The following VWC2 variants were observed in gnomAD, a reference collection of about 807,000 sequenced individuals.
VWC2 encodes von Willebrand factor C domain containing 2.
Under a neutral mutation model 29.8 loss-of-function variants are expected in VWC2, and 14 were observed. The observed-to-expected ratio is 0.47, with a 90% CI of 0.31 to 0.74. The LOEUF is 0.74. VWC2 is among the 30% of genes least tolerant of loss of function. The pLI, the probability that VWC2 is intolerant of heterozygous loss-of-function variation, is 0.05. For missense variants in VWC2, 457 were observed against 459.8 expected (o/e 0.99, Z 0.05); for synonymous variants, 213 against 199.0 (o/e 1.07, Z -0.59).
chr7:49,876,366 A>G (rs987310630), intron 3 of VWC2, among the ~76,000 whole-genome samples: 61 of 152,156 alleles, frequency 4.0e-4, no homozygotes, highest in African/African-American at 1.3e-3. Context: ...GTGGTTGACA[A>G]GACTGGCCAA....
intron 3 of VWC2, among the ~76,000 whole-genome samples, chr7:49,881,585 C>G (rs1266275718): frequency 6.6e-6 from 1 of 152,136 alleles, no homozygotes; most frequent in Non-Finnish European, 1.5e-5. Context: ...AAAATGTGTG[C>G]TGTATCGTTT....
At chr7:49,779,161 A>AG (rs1156571410) in intron 2 of VWC2, among the ~76,000 whole-genome samples, 10 of 152,158 alleles carry the variant, frequency 6.6e-5, no homozygotes, top group African/African-American at 2.4e-4. Context: ...TGTGATGTGC[A>AG]GGGTATTTGG....
intron 3 of VWC2, among the ~76,000 whole-genome samples, chr7:49,865,024 T>A (rs185820296): frequency 6.6e-6 from 1 of 152,004 alleles, no homozygotes; most frequent in Non-Finnish European, 1.5e-5. Flanking sequence ...TTTTCTGATA[T>A]CCCTCTATAT....
intron 3 of VWC2, among the ~76,000 whole-genome samples, chr7:49,887,226 C>T (rs991231822): frequency 6.6e-6 from 1 of 152,178 alleles, no homozygotes; most frequent in African/African-American, 2.4e-5. Flanking sequence ...TGTGGTCTAG[C>T]TCTGACACAC....
At chr7:49,905,535 A>G (rs1041401245) in intron 3 of VWC2, among the ~76,000 whole-genome samples, 3 of 152,250 alleles carry the variant, frequency 2.0e-5, no homozygotes, top group African/African-American at 7.2e-5. Context: ...CTTGATTTCT[A>G]TCATTTAAAA....
intron 3 of VWC2, among the ~76,000 whole-genome samples, chr7:49,870,244 C>T (rs1030089332): frequency 6.6e-6 from 1 of 151,930 alleles, no homozygotes; most frequent in Admixed American, 6.6e-5. Flanking sequence ...ACTAAAAATA[C>T]AAAAAATTAG....
intron 3 of VWC2, among the ~76,000 whole-genome samples, chr7:49,820,213 C>T (rs1789235305): frequency 6.6e-6 from 1 of 152,122 alleles, no homozygotes; most frequent in Non-Finnish European, 1.5e-5. Flanking sequence ...ACCCCACAGC[C>T]GCTCTGTAGC....
At chr7:49,819,756 G>A (rs1053373363) in intron 3 of VWC2, among the ~76,000 whole-genome samples, 2 of 152,194 alleles carry the variant, frequency 1.3e-5, no homozygotes, top group Non-Finnish European at 2.9e-5. Flanking sequence ...GCCCGTGGGG[G>A]AGGGCAAATA....
chr7:49,912,050 A>G lies in VWC2; in HGVS notation c.843A>G (p.Ala281=). The change falls in exon 4 of 4, where the codon GCA becomes GCG. Residue 281 remains alanine (A), a synonymous_variant. Coordinates refer to ENST00000340652, the MANE Select transcript of VWC2 (RefSeq NM_198570.5). ...PICKNGPNCF[A]ETAVIPAGRE... ...GCATTTCAGGTCCAAACTGCTTTGC[A>G]GAAACCGCGGTGATCCCTGCTGGCA... is the stretch of plus-strand genomic sequence containing the variant. The G allele has an allele frequency of 1.2e-6, 2 of 1,613,884 alleles. No homozygotes were observed. The highest frequency in any genetic ancestry group is 1.7e-6 in the Non-Finnish European group (2 of 1,179,886).
intron 3 of VWC2, among the ~76,000 whole-genome samples, chr7:49,834,081 G>T (rs1789600899): frequency 6.6e-6 from 1 of 152,188 alleles, no homozygotes; most frequent in Admixed American, 6.5e-5. Context: ...AGCAAAACCA[G>T]CAGTGATAAT....
chr7:49,775,695 G>T lies in VWC2; in HGVS notation c.260G>T (p.Arg87Leu). Residue 87 changes from arginine (R) to leucine (L), a missense_variant, in exon 2 of 4, where the codon CGT becomes CTT. Arg to Leu is a moderately radical substitution (Grantham distance 102). Coordinates refer to ENST00000340652, the MANE Select transcript of VWC2 (RefSeq NM_198570.5). ...AAGAGCGGCCGTGGGCTCGCCGGCC[G>T]TGAGCCGTGGAGCAAGCTGAAGCAG... Reference protein sequence around the residue: ...KSKSGRGLAGREPWSKLKQAW... With the variant: ...KSKSGRGLAGLEPWSKLKQAW... The T allele has an allele frequency of 6.6e-7, 1 of 1,523,840 alleles. No homozygotes were observed. Among genetic ancestry groups the T allele is most frequent in the East Asian group, 2.6e-5 (1 of 39,182 alleles). 94.4% of individuals were successfully genotyped at this position (1,523,840 alleles called of 1,614,324 possible). A position where few individuals can be genotyped will look rare whatever the true frequency, so the allele number is the denominator to read the frequency against.
At chr7:49,813,464 G>A (rs1789059671) in intron 3 of VWC2, among the ~76,000 whole-genome samples, 1 of 152,200 alleles carries the variant, frequency 6.6e-6, no homozygotes, top group African/African-American at 2.4e-5. Context: ...GTCTTCTGTT[G>A]CTGTGTGCTT....
Position 49,879,420 on chromosome 7 carries a change from G to A in VWC2, c.827-32614G>A, listed in dbSNP as rs190070599. Among the ~76,000 whole-genome samples, 9 of 152,176 alleles carry A rather than the reference G, an allele frequency of 5.9e-5. No individual in the cohort carries two copies. The East Asian group carries it at 1.5e-3, about 26-fold the overall frequency. ...GACTAAAGATGCCATTATCTTATCC[G>A]GAGAGGGTTTATATGTGCAGGTACC... On this transcript the variant is annotated intron_variant, in intron 3 of 3. Transcript: ENST00000340652.
chr7:49,851,618 G>A (rs754107512), intron 3 of VWC2, among the ~76,000 whole-genome samples: 3 of 152,212 alleles, frequency 2.0e-5, no homozygotes, highest in Non-Finnish European at 2.9e-5. Context: ...CCAGCACTTC[G>A]GGAGGCCGAG....
rs566729661 is a variant in VWC2, at chr7:49,804,172, T to A, written c.826+1332T>A. On this transcript the variant is annotated intron_variant, in intron 3 of 3. Transcript: ENST00000340652. ...TTGAGCATGGAGTGTGTTTTTTTTTTAAAAAAAAAAATGATGTTGAGACAC... is the reference window on the plus strand; with the variant it reads ...TTGAGCATGGAGTGTGTTTTTTTTTAAAAAAAAAAAATGATGTTGAGACAC... 4.6e-3 allele frequency among the ~76,000 whole-genome samples: 679 copies of A among 146,718 alleles called. 4 individuals carry two copies. The highest frequency in any genetic ancestry group is 0.014 in the Middle Eastern group (4 of 290).
intron 2 of VWC2, among the ~76,000 whole-genome samples, chr7:49,778,493 A>G (rs1489196569): frequency 1.3e-5 from 2 of 152,226 alleles, no homozygotes; most frequent in Non-Finnish European, 2.9e-5. Context: ...TAAAGATTTT[A>G]TAGTGTTAGA....
chr7:49,833,330 G>A (rs577725386), intron 3 of VWC2, among the ~76,000 whole-genome samples: 4 of 152,304 alleles, frequency 2.6e-5, no homozygotes, highest in East Asian at 1.9e-4. Flanking sequence ...TCAGAGATGG[G>A]ATCCAGGCCA....
chr7:49,894,972 C>A (rs1293047590), intron 3 of VWC2, among the ~76,000 whole-genome samples: 1 of 152,202 alleles, frequency 6.6e-6, no homozygotes, highest in Admixed American at 6.5e-5. Context: ...CTTCCCCAGT[C>A]AAGAGTGAGT....
chr7:49,913,981 A>T lies in VWC2; in HGVS notation c.*1796A>T, dbSNP rs572831387. On this transcript the variant is annotated 3_prime_UTR_variant, in exon 4 of 4. Coordinates refer to ENST00000340652, the MANE Select transcript of VWC2 (RefSeq NM_198570.5). ...AAGGAACTACCAGTACATAGATTTC[A>T]TGAAAATACTCAGGGGAATTATTAG... The T allele has an allele frequency of 2.0e-5, 3 of 152,338 alleles. No homozygotes were observed. The highest frequency in any genetic ancestry group is 1.9e-4 in the East Asian group (1 of 5,188). 9.4% of individuals were successfully genotyped at this position (152,338 alleles called of 1,614,324 possible).
Sources: gnomAD v4.1 joint callset for allele counts (sites outside exome capture counted in the v4.1 genomes callset) on GRCh38, gnomAD v4.1.1 for gene constraint, MANE v1.5 for transcripts, NCBI Gene and HGNC (gene_info 2026-07-23, HGNC 2026-07-21) for gene names.